The following ZKSCAN7 variants were observed in gnomAD, a reference collection of about 807,000 sequenced individuals.
The protein encoded by ZKSCAN7 is zinc finger with KRAB and SCAN domains 7.
A neutral mutation model predicts 65.3 loss-of-function variants in ZKSCAN7; 38 were observed. The observed-to-expected ratio is 0.58, with a 90% confidence interval of 0.45 to 0.76. The LOEUF is 0.76. Ranked by LOEUF, ZKSCAN7 falls within the 30% of genes least tolerant of loss-of-function variation. The pLI, the probability that ZKSCAN7 is intolerant of heterozygous loss-of-function variation, is 0.00. For synonymous variants in ZKSCAN7, 321 were observed against 321.0 expected (o/e 1.00, Z 0.00); for missense variants, 815 against 913.3 (o/e 0.89, Z 1.39).
intron 5 of ZKSCAN7, among the ~76,000 whole-genome samples, 168 bp from the exon 6 acceptor site, chr3:44,569,753 GA>G (rs997681162): frequency 1.1e-4 from 17 of 151,886 alleles, no homozygotes; most frequent in African/African-American, 2.4e-4. Context: ...TGTCCCTAGG[GA>G]AAAAAAATTG....
Position 44,571,275 on chromosome 3 carries a change from G to A in ZKSCAN7, c.2165G>A (p.Ser722Asn). The change falls in exon 6 of 6, where the codon AGT becomes AAT. Residue 722 changes from serine to asparagine, a missense_variant. By Grantham distance (46) the Ser-to-Asn change is conservative. Around this residue, in one of 3 missense-constraint regions of ZKSCAN7, gnomAD observed 578 missense variants for 629.5 expected, o/e 0.92. Coordinates refer to ENST00000426540, the MANE Select transcript of ZKSCAN7 (RefSeq NM_001288590.2). ...VHTGEKPYECSECGKAFSQRS... is the reference protein window; with the variant it reads ...VHTGEKPYECNECGKAFSQRS... The stretch of plus-strand genomic sequence containing the variant: ...ACCGGAGAGAAACCTTATGAATGTA[G>A]TGAATGTGGGAAAGCCTTTAGTCAG... 1 of 1,614,210 alleles carries A rather than the reference G, an allele frequency of 6.2e-7. No individual in the cohort carries two copies. The highest frequency in any genetic ancestry group is 2.2e-5 in the East Asian group (1 of 44,886).
chr3:44,572,060 A>G lies in ZKSCAN7; in HGVS notation c.*685A>G. 7.1e-6 allele frequency: 7 copies of G among 985,384 alleles called. No homozygotes were observed. The highest frequency in any genetic ancestry group is 8.4e-6 in the Non-Finnish European group (7 of 829,886). The allele number at this position is 985,384 out of a possible 1,614,324, so 61.0% of individuals were successfully genotyped here. ...TGCGTGTCTGTATACTTTTATACCAACTTATTGTAGGCTCTTTGAGGTCAG... is the reference window on the plus strand; with the variant it reads ...TGCGTGTCTGTATACTTTTATACCAGCTTATTGTAGGCTCTTTGAGGTCAG... On this transcript the variant is annotated 3_prime_UTR_variant, in exon 6 of 6. Transcript: ENST00000426540.
chr3:44,570,520 T>G lies in ZKSCAN7; in HGVS notation c.1410T>G (p.Asn470Lys), dbSNP rs1189737167. The change falls in exon 6 of 6, where the codon AAT (asparagine) becomes AAG (lysine). Residue 470 changes from asparagine to lysine, a missense_variant. Coordinates refer to ENST00000426540, the MANE Select transcript of ZKSCAN7 (RefSeq NM_001288590.2). Reference protein sequence around the residue: ...LHNGEKPYKCNECAKAFTQSS... With the variant: ...LHNGEKPYKCKECAKAFTQSS... ...ATGGGGAGAAACCCTATAAATGTAA[T>G]GAATGTGCAAAAGCCTTTACTCAGA... 6.2e-7 allele frequency: 1 copy of G among 1,614,158 alleles called. No individual in the cohort carries two copies. The highest frequency in any genetic ancestry group is 1.7e-5 in the Admixed American group (1 of 60,026).
At chr3:44,579,686 T>C (rs1700017287) in intron 5 of ZKSCAN7, among the ~76,000 whole-genome samples, 1 of 152,204 alleles carries the variant, frequency 6.6e-6, no homozygotes, top group South Asian at 2.1e-4. Context: ...CTGGAAGCCA[T>C]AGTTTCTCTG....
intron 2 of ZKSCAN7, among the ~76,000 whole-genome samples, chr3:44,561,810 G>A (rs1000700183): frequency 1.3e-5 from 2 of 152,228 alleles, no homozygotes; most frequent in East Asian, 1.9e-4. Flanking sequence ...TGATGCAAGA[G>A]ATCAGTTCCC....
At position 44,557,012 on chromosome 3, in the gene ZKSCAN7, A is replaced by G. The variant is rs1166167792; in HGVS notation, c.-36A>G. The G allele has an allele frequency of 1.4e-5, 22 of 1,612,894 alleles. No individual in the cohort carries two copies. The highest frequency in any genetic ancestry group is 1.9e-5 in the Non-Finnish European group (22 of 1,179,704). ...TATTGACCATCATTTTAATCGGACC[A>G]ACTGCAGCTGTAACAAGCTTCTCTT... On this transcript the variant is annotated 5_prime_UTR_variant, in exon 2 of 6. Coordinates refer to ENST00000426540, the MANE Select transcript of ZKSCAN7 (RefSeq NM_001288590.2).
At chr3:44,580,939 C>T (rs2125737036) in intron 5 of ZKSCAN7, 6 of 1,612,706 alleles carry the variant, frequency 3.7e-6, no homozygotes, top group South Asian at 1.1e-5. Flanking sequence ...AGATGCGACT[C>T]GCGGGGCTGG....
chr3:44,580,921 C>G, intron 5 of ZKSCAN7: 1 of 1,613,136 alleles, frequency 6.2e-7, no homozygotes, highest in South Asian at 1.1e-5. Flanking sequence ...AGGTCCTCGT[C>G]GTTGAGGAGA....
chr3:44,562,522 G>C (rs557245308), intron 2 of ZKSCAN7, among the ~76,000 whole-genome samples: 1 of 152,220 alleles, frequency 6.6e-6, no homozygotes, highest in Non-Finnish European at 1.5e-5. Flanking sequence ...CAGAAAACGG[G>C]TTTTTCTTTT....
intron 5 of ZKSCAN7, 124 bp from the exon 6 acceptor site, chr3:44,569,798 C>T (rs1699739926): frequency 7.2e-7 from 1 of 1,390,580 alleles, no homozygotes; most frequent in South Asian, 2.2e-5. Context: ...CTCTTGTTCT[C>T]AATGTGTCAT....
At chr3:44,576,508 T>C (rs1249080432), downstream of ZKSCAN7, among the ~76,000 whole-genome samples, 2 of 152,208 alleles carry the variant, frequency 1.3e-5, no homozygotes, top group Non-Finnish European at 2.9e-5. Flanking sequence ...ATTTCATTTC[T>C]CTTGAATTTT....
At position 44,557,254 on chromosome 3, in the gene ZKSCAN7, G is replaced by GGAA. The variant is rs1348138120; in HGVS notation, c.209_211dup (p.Glu70dup). ...GTTACCACGAGATGTCTGGGCCGCAGGAAGCATTGAGCCGGCTTCGGGAGC... is the reference window on the plus strand; with the variant it reads ...GTTACCACGAGATGTCTGGGCCGCAGGAAGAAGCATTGAGCCGGCTTCGGGAGC... On this transcript the variant is annotated inframe_insertion, in exon 2 of 6. Transcript: ENST00000426540. The GGAA allele has an allele frequency of 6.2e-7, 1 of 1,614,176 alleles. No individual in the cohort carries two copies. The highest frequency in any genetic ancestry group is 8.5e-7 in the Non-Finnish European group (1 of 1,180,064).
chr3:44,568,912 T>A (rs1398508162), intron 5 of ZKSCAN7, among the ~76,000 whole-genome samples: 2 of 152,228 alleles, frequency 1.3e-5, no homozygotes, highest in African/African-American at 4.8e-5. Context: ...TTTTCTTCAC[T>A]GTGAATCTTT....
chr3:44,572,409 A>AGT (rs34720095), downstream of ZKSCAN7, among the ~76,000 whole-genome samples: 1,143 of 144,752 alleles, frequency 7.9e-3, 12 homozygotes, highest in Non-Finnish European at 0.011. Context: ...AAAGAGAGAG[A>AGT]GTGTGTGTGT....
chr3:44,565,929 T>G (rs151226839), intron 3 of ZKSCAN7, among the ~76,000 whole-genome samples: 103 of 152,338 alleles, frequency 6.8e-4, no homozygotes, highest in African/African-American at 2.3e-3. Context: ...GAGCTTGTTA[T>G]CTAGATGGTA....
chr3:44,581,232 G>A (rs1700078513), intron 5 of ZKSCAN7, among the ~76,000 whole-genome samples: 1 of 147,530 alleles, frequency 6.8e-6, no homozygotes. Flanking sequence ...GCTCCCGCCC[G>A]CACCGCCGCC....
In ZKSCAN7 at chr3:44,572,006, G is replaced by A. The variant is rs1699819102; in HGVS notation, c.*631G>A. 2.0e-6 allele frequency: 2 copies of A among 985,834 alleles called. No individual in the cohort carries two copies. The highest frequency in any genetic ancestry group is 3.5e-5 in the African/African-American group (2 of 57,228). 61.1% of individuals were successfully genotyped at this position (985,834 alleles called of 1,614,324 possible). Reference sequence around the variant, plus strand: ...TTTGAATTCACTGGTGCTACAATATGTAACTGTGGTTAATTGCCTTGTAAA... The same window carrying A: ...TTTGAATTCACTGGTGCTACAATATATAACTGTGGTTAATTGCCTTGTAAA... On this transcript the variant is annotated 3_prime_UTR_variant, in exon 6 of 6. Transcript: ENST00000426540.
In ZKSCAN7 at chr3:44,579,508, C is replaced by T. The variant is rs908441674; in HGVS notation, c.812-3464C>T. Among the ~76,000 whole-genome samples the T allele has an allele frequency of 2.6e-5, 4 of 152,322 alleles. No individual in the cohort carries two copies. In the South Asian group the frequency reaches 6.2e-4, roughly 24 times the overall value. On this transcript the variant is annotated intron_variant, in intron 5 of 5. Transcript: ENST00000341840. ...CTGCCTCTTGCTTCTCAGTAGGCCT[C>T]GGGCAGGTCTCAAAAGAGCAGCTGC...
chr3:44,581,503 G>C (rs1168266763), intron 5 of ZKSCAN7, among the ~76,000 whole-genome samples: 1 of 152,190 alleles, frequency 6.6e-6, no homozygotes, highest in Non-Finnish European at 1.5e-5. Flanking sequence ...TAGAGGTCAA[G>C]GAATCATTCA....
Sources: allele counts gnomAD v4.1 joint callset (sites outside exome capture counted in the v4.1 genomes callset), GRCh38; gene constraint gnomAD v4.1.1; regional missense constraint gnomAD v4.1.1; transcripts MANE v1.5; gene names NCBI Gene and HGNC (gene_info 2026-07-23, HGNC 2026-07-21).